The following PCDH17 variants were observed in gnomAD, a reference collection of about 807,000 sequenced individuals.
PCDH17 encodes the protein protocadherin-17.
Under a neutral mutation model 67.7 loss-of-function variants are expected in PCDH17, and 21 were observed. The observed-to-expected ratio is 0.31, with a 90% CI of 0.22 to 0.45. The LOEUF is 0.45. Among genes scored for constraint, PCDH17 ranks in the 20% least tolerant of loss-of-function variants. The pLI, the probability that PCDH17 is intolerant of heterozygous loss-of-function variation, is 1.00. For synonymous variants in PCDH17, 701 were observed against 656.7 expected, an observed-to-expected ratio of 1.07 and a Z score of -1.03; for missense variants, 1,471 against 1,564.8, an observed-to-expected ratio of 0.94 and a Z score of 1.01.
At chr13:57,710,660 T>G (rs1011020721) in intron 3 of PCDH17, among the ~76,000 whole-genome samples, 1 of 151,902 alleles carries the variant, frequency 6.6e-6, no homozygotes, top group Non-Finnish European at 1.5e-5. Context: ...TTTTGAGAGA[T>G]TTGATTGGTT....
intron 1 of PCDH17, among the ~76,000 whole-genome samples, chr13:57,657,329 C>T (rs934000461): frequency 1.3e-4 from 20 of 152,098 alleles, no homozygotes; most frequent in African/African-American, 4.8e-4. Context: ...GTTTTTATTA[C>T]GCCTTTAGTA....
At chr13:57,710,243 A>G (rs1356356704) in intron 3 of PCDH17, among the ~76,000 whole-genome samples, 2 of 151,796 alleles carry the variant, frequency 1.3e-5, no homozygotes, top group Non-Finnish European at 2.9e-5. Flanking sequence ...TGAGTCCCCA[A>G]ATTCCTCTTT....
chr13:57,676,636 C>T (rs937589598), intron 3 of PCDH17, among the ~76,000 whole-genome samples: 7 of 151,680 alleles, frequency 4.6e-5, no homozygotes, highest in Admixed American at 2.6e-4. Context: ...TAGAACACAA[C>T]GTTAAGAAGC....
intron 3 of PCDH17, 57 bp from the exon 4 acceptor site, chr13:57,724,555 A>T: frequency 7.0e-7 from 1 of 1,425,124 alleles, no homozygotes. Flanking sequence ...CAGCCTCTGT[A>T]GAAATTTAAA....
chr13:57,651,388 G>A (rs1232297477), intron 1 of PCDH17, among the ~76,000 whole-genome samples: 1 of 131,160 alleles, frequency 7.6e-6, no homozygotes, highest in Non-Finnish European at 1.6e-5. Context: ...TTGAGACCGG[G>A]TCTCACTTTG....
chr13:57,633,144 G>A lies in PCDH17; in HGVS notation c.598G>A (p.Ala200Thr). The A allele has an allele frequency of 6.2e-7, 1 of 1,613,462 alleles. No individual in the cohort carries two copies. The highest frequency in any genetic ancestry group is 2.2e-5 in the East Asian group (1 of 44,836). ...GTTCCCAGAACTGGTCATCCAGAAG[G>A]CTCTGGACCGCGAGCAACAGAATCA... is the stretch of plus-strand genomic sequence containing the variant. ...TKFPELVIQK[A>T]LDREQQNHHT... is the part of the protein sequence containing the mutation. The change falls in exon 1 of 4, where the codon GCT becomes ACT. Residue 200 changes from alanine (A) to threonine (T), a missense_variant. By Grantham distance (58) the Ala-to-Thr change is moderately conservative. Transcript: ENST00000377918. The surrounding 1 kb of genome is among the most constrained non-coding windows in gnomAD (Gnocchi z 6.2).
chr13:57,694,968 G>C (rs1955592750), intron 3 of PCDH17, among the ~76,000 whole-genome samples: 1 of 151,054 alleles, frequency 6.6e-6, no homozygotes, highest in South Asian at 2.1e-4. Flanking sequence ...TTGGCCTTTT[G>C]TGCTATATAT....
Position 57,631,797 on chromosome 13 carries a change from AT to A in PCDH17, c.-749del, listed in dbSNP as rs1322991200. ...GGAAAGGAGAGAGAGGAAAAAAAAAATACGCTTGGCTGGTAGATGCAGTCCG... is the reference window on the plus strand; with the variant it reads ...GGAAAGGAGAGAGAGGAAAAAAAAAAACGCTTGGCTGGTAGATGCAGTCCG... On this transcript the variant is annotated 5_prime_UTR_variant, in exon 1 of 4. Coordinates refer to ENST00000377918, the MANE Select transcript of PCDH17 (RefSeq NM_001040429.3). 4 of 147,184 alleles carry A rather than the reference AT, an allele frequency of 2.7e-5. No homozygotes were observed. Among genetic ancestry groups the A allele is most frequent in the Non-Finnish European group, 6.0e-5 (4 of 66,664 alleles). The allele number at this position is 147,184 out of a possible 1,614,324, so 9.1% of individuals were successfully genotyped here.
At chr13:57,651,070 TG>T (rs1230455166) in intron 1 of PCDH17, among the ~76,000 whole-genome samples, 2 of 152,052 alleles carry the variant, frequency 1.3e-5, no homozygotes, top group Non-Finnish European at 2.9e-5. Flanking sequence ...TCTTACAAAA[TG>T]AAAAAAAGGA....
intron 3 of PCDH17, among the ~76,000 whole-genome samples, chr13:57,692,258 A>G (rs1955566258): frequency 6.6e-6 from 1 of 151,262 alleles, no homozygotes; most frequent in Non-Finnish European, 1.5e-5. Flanking sequence ...ATCCATGCCC[A>G]GGAAGCATAC....
chr13:57,723,195 T>G (rs1400651256), intron 3 of PCDH17, among the ~76,000 whole-genome samples: 2 of 152,344 alleles, frequency 1.3e-5, no homozygotes, highest in Admixed American at 6.5e-5. Context: ...CCTAATTTTT[T>G]TTGAGGTTTC....
Position 57,724,769 on chromosome 13 carries a change from GACTT to G in PCDH17, c.2958_2961del (p.Tyr987LysfsTer3). ...CAGTTGAAGCTAATGTTGAGACTGAGACTTACGAAACTGTGAATCCCACTGGGAA... is the reference window on the plus strand; with the variant it reads ...CAGTTGAAGCTAATGTTGAGACTGAGACGAAACTGTGAATCCCACTGGGAA... On this transcript the variant is annotated frameshift_variant, in exon 4 of 4. Coordinates refer to ENST00000377918, the MANE Select transcript of PCDH17 (RefSeq NM_001040429.3). LOFTEE classifies it high-confidence loss of function. The G allele has an allele frequency of 6.2e-7, 1 of 1,614,140 alleles. No individual in the cohort carries two copies. The highest frequency in any genetic ancestry group is 8.5e-7 in the Non-Finnish European group (1 of 1,179,996).
chr13:57,714,961 G>T (rs1178397813), intron 3 of PCDH17, among the ~76,000 whole-genome samples: 2 of 151,766 alleles, frequency 1.3e-5, no homozygotes, highest in African/African-American at 4.8e-5. Context: ...TTATAAAGAG[G>T]TGATTATTTA....
intron 3 of PCDH17, among the ~76,000 whole-genome samples, chr13:57,668,679 T>G (rs1955284594): frequency 6.6e-6 from 1 of 152,008 alleles, no homozygotes; most frequent in South Asian, 2.1e-4. Flanking sequence ...TGGCATAAAT[T>G]TTAAATAATA....
rs1202745842 is a variant in PCDH17 at position 57,725,461 on chromosome 13, AT to A, written c.*170del. On this transcript the variant is annotated 3_prime_UTR_variant, in exon 4 of 4. Transcript: ENST00000377918. ...CACAAGTATGTTCTTTCCACTGCTG[AT>A]TTCTTTTTCAGAGATAACAATGGTT... 1.7e-6 allele frequency: 1 copy of A among 571,714 alleles called. No homozygotes were observed. The highest frequency in any genetic ancestry group is 2.9e-5 in the South Asian group (1 of 34,950). The allele number at this position is 571,714 out of a possible 1,614,324, so 35.4% of individuals were successfully genotyped here. A position where few individuals can be genotyped will look rare whatever the true frequency, so the allele number is the denominator to read the frequency against.
In PCDH17 at chr13:57,635,702, T is replaced by C. The variant is rs1318922786; in HGVS notation, c.2565+591T>C. Among the ~76,000 whole-genome samples, 3 of 152,244 alleles carry C rather than the reference T, an allele frequency of 2.0e-5. No individual in the cohort carries two copies. The East Asian group carries it at 5.8e-4, about 29-fold the overall frequency. On this transcript the variant is annotated intron_variant, in intron 1 of 3. Transcript: ENST00000377918. ...TCACTTATTCTTCATCATTACATTA[T>C]GGTAAAACTGCAGCATAATGCATTA...
At chr13:57,669,118 G>T (rs1338382774) in intron 3 of PCDH17, among the ~76,000 whole-genome samples, 1 of 151,756 alleles carries the variant, frequency 6.6e-6, no homozygotes, top group African/African-American at 2.4e-5. Context: ...TCGATAGTTT[G>T]CTGAGAATGA....
intron 1 of PCDH17, among the ~76,000 whole-genome samples, chr13:57,646,258 G>A (rs1447040289): frequency 6.6e-6 from 1 of 151,518 alleles, no homozygotes; most frequent in Non-Finnish European, 1.5e-5. Flanking sequence ...TGCAAGCTAA[G>A]CCTTCATATA....
At chr13:57,710,434 C>T (rs1003620743) in intron 3 of PCDH17, among the ~76,000 whole-genome samples, 1 of 151,662 alleles carries the variant, frequency 6.6e-6, no homozygotes, top group African/African-American at 2.4e-5. Flanking sequence ...TATTTAAATC[C>T]CTGGAACTCC....
Sources: gnomAD v4.1 joint callset for allele counts (sites outside exome capture counted in the v4.1 genomes callset) on GRCh38, gnomAD v4.1.1 for gene constraint, Gnocchi (gnomAD v3.1) non-coding constraint, MANE v1.5 for transcripts, NCBI Gene and HGNC (gene_info 2026-07-23, HGNC 2026-07-21) for gene names.